TRAPPC8: variants seen among roughly 807,000 people sequenced by gnomAD.
TRAPPC8 encodes the protein trafficking protein particle complex subunit 8, also known as general sporulation gene 1 homolog.
In TRAPPC8, 54 loss-of-function variants were observed where a neutral mutation model predicts 174.3. The observed-to-expected ratio is 0.31, with a 90% CI of 0.25 to 0.39. TRAPPC8 has a LOEUF of 0.39. Ranked by LOEUF, TRAPPC8 falls within the 10% of genes least tolerant of loss-of-function variation. The pLI is 1.00. For missense variants in TRAPPC8, 1,531 were observed against 1,699.1 expected (o/e 0.90, Z 1.74); for synonymous variants, 630 against 579.9 (o/e 1.09, Z -1.24).
intron 1 of TRAPPC8, among the ~76,000 whole-genome samples, chr18:31,933,473 G>A (rs929998729): frequency 2.6e-5 from 4 of 152,026 alleles, no homozygotes; most frequent in Non-Finnish European, 4.4e-5. Context: ...TCTACTTCAC[G>A]GGATCATTTT....
chr18:31,876,452 T>C (rs527352613), intron 12 of TRAPPC8, among the ~76,000 whole-genome samples: 11 of 128,674 alleles, frequency 8.5e-5, no homozygotes, highest in African/African-American at 3.1e-4. Context: ...ATTGTGCCAC[T>C]GCACTCCAGC....
chr18:31,910,655 A>G (rs1365903172), intron 5 of TRAPPC8, among the ~76,000 whole-genome samples: 1 of 152,236 alleles, frequency 6.6e-6, no homozygotes, highest in Non-Finnish European at 1.5e-5. Context: ...ATAAGAATAC[A>G]GTGAGTACTG....
At chr18:31,870,622 T>G in intron 15 of TRAPPC8, 120 bp from the exon 16 acceptor site, 1 of 1,115,310 alleles carries the variant, frequency 9.0e-7, no homozygotes, top group South Asian at 1.6e-5. Context: ...CTGTCCTTTA[T>G]TACCTTATAA....
Position 31,852,409 on chromosome 18 carries a change from G to A in TRAPPC8, c.3561+37C>T, listed in dbSNP as rs1020506841. 6.2e-6 allele frequency: 10 copies of A among 1,608,812 alleles called. No homozygotes were observed. In the Admixed American group the frequency reaches 1.7e-4, roughly 27 times the overall value. ...AAATACCCAGATATGCTATAACTAT[G>A]ACTTAACATCAAACACTACTATGCT... is the stretch of plus-strand genomic sequence containing the variant. On this transcript the variant is annotated intron_variant, in intron 24 of 28. Coordinates refer to ENST00000283351, the MANE Select transcript of TRAPPC8 (RefSeq NM_014939.5).
chr18:31,903,967 G>C (rs556489977), intron 9 of TRAPPC8, among the ~76,000 whole-genome samples: 1 of 152,212 alleles, frequency 6.6e-6, no homozygotes, highest in African/African-American at 2.4e-5. Context: ...TAAGCACAGT[G>C]CCACATGCCT....
chr18:31,930,138 T>TTTA (rs2037787486), intron 2 of TRAPPC8, among the ~76,000 whole-genome samples: 1 of 150,418 alleles, frequency 6.6e-6, no homozygotes, highest in African/African-American at 2.5e-5. Context: ...TTTTTTTTTT[T>TTTA]AAACAGAGTC....
intron 26 of TRAPPC8, among the ~76,000 whole-genome samples, chr18:31,841,892 T>C (rs890000389): frequency 5.3e-5 from 8 of 152,194 alleles, no homozygotes; most frequent in African/African-American, 1.9e-4. Flanking sequence ...TTTAAAAAAA[T>C]AAACTATCTC....
At chr18:31,880,081 G>GAAA (rs749972515) in intron 12 of TRAPPC8, among the ~76,000 whole-genome samples, 1,012 of 52,084 alleles carry the variant, frequency 0.019, 12 homozygotes, top group East Asian at 0.038. Context: ...TGAAACTATT[G>GAAA]AAAAAAAAAA....
intron 1 of TRAPPC8, among the ~76,000 whole-genome samples, chr18:31,936,359 G>A (rs1192379924): frequency 6.6e-6 from 1 of 151,918 alleles, no homozygotes. Flanking sequence ...AGCTACCCAG[G>A]AGGCCAATGT....
intron 16 of TRAPPC8, 44 bp from the exon 17 acceptor site, chr18:31,867,520 T>C: frequency 7.8e-7 from 1 of 1,286,192 alleles, no homozygotes; most frequent in African/African-American, 1.5e-5. Context: ...ATGAACAAAG[T>C]ATCAGATTAT....
chr18:31,895,346 A>G (rs2036138345), intron 11 of TRAPPC8, among the ~76,000 whole-genome samples: 1 of 152,222 alleles, frequency 6.6e-6, no homozygotes, highest in Non-Finnish European at 1.5e-5. Context: ...AAGTTATCTC[A>G]AAGAAATTTA....
intron 1 of TRAPPC8, among the ~76,000 whole-genome samples, chr18:31,935,567 A>AAAAAAAAAAAAAAAAAAAAAC (rs2038059834): frequency 6.9e-6 from 1 of 145,008 alleles, no homozygotes; most frequent in African/African-American, 2.6e-5. Flanking sequence ...AAAAAAAAAA[A>AAAAAAAAAAAAAAAAAAAAAC]AGCAGGCTTT....
At chr18:31,880,271 A>C (rs945312444) in intron 12 of TRAPPC8, among the ~76,000 whole-genome samples, 3 of 151,382 alleles carry the variant, frequency 2.0e-5, no homozygotes, top group African/African-American at 7.3e-5. Context: ...TAGCAAACCA[A>C]ATCCAGCTGG....
Position 31,910,822 on chromosome 18 carries a change from A to ACAAT in TRAPPC8, c.772-1066_772-1063dup, listed in dbSNP as rs1160073331. Among the ~76,000 whole-genome samples the ACAAT allele has an allele frequency of 2.0e-5, 3 of 152,238 alleles. No individual in the cohort carries two copies. The East Asian group carries it at 5.8e-4, about 29-fold the overall frequency. On this transcript the variant is annotated intron_variant, in intron 5 of 28. Coordinates refer to ENST00000283351, the MANE Select transcript of TRAPPC8 (RefSeq NM_014939.5). ...TTTCTGCTAAAAGTTCTCATACTGC[A>ACAAT]CAATCTTCTTCATGTTCCCCTTCAC...
At chr18:31,874,351 C>A in intron 13 of TRAPPC8, 129 bp downstream of exon 13, 1 of 977,960 alleles carries the variant, frequency 1.0e-6, no homozygotes, top group Non-Finnish European at 1.5e-6. Flanking sequence ...GCCTAGCCTG[C>A]CACAGCTTTT....
intron 11 of TRAPPC8, among the ~76,000 whole-genome samples, chr18:31,893,891 AAGCT>A (rs1449674080): frequency 2.6e-5 from 4 of 152,212 alleles, no homozygotes; most frequent in African/African-American, 9.6e-5. Flanking sequence ...ACTGCCTATG[AAGCT>A]TCACTAAACT....
At chr18:31,887,646 CAAA>C (rs34562657) in intron 12 of TRAPPC8, among the ~76,000 whole-genome samples, 1 of 98,342 alleles carries the variant, frequency 1.0e-5, no homozygotes, top group African/African-American at 3.9e-5. Flanking sequence ...AACTCCATCT[CAAA>C]AAAAAAAAAA....
Position 31,942,991 on chromosome 18 carries a change from C to A in TRAPPC8, c.-227G>T. 1 of 921,698 alleles carries A rather than the reference C, an allele frequency of 1.1e-6. No individual in the cohort carries two copies. Among genetic ancestry groups the A allele is most frequent in the Non-Finnish European group, 1.4e-6 (1 of 702,674 alleles). 57.1% of individuals were successfully genotyped at this position (921,698 alleles called of 1,614,324 possible). A position where few individuals can be genotyped will look rare whatever the true frequency, so the allele number is the denominator to read the frequency against. ...CACCGCCGCTTCTCAGCGCTCGTCC[C>A]CGCGTGCTCGCATTCCACCCCGATA... On this transcript the variant is annotated 5_prime_UTR_variant, in exon 1 of 29. Transcript: ENST00000283351.
In TRAPPC8 at chr18:31,833,069, A is replaced by G. The variant is rs80279748; in HGVS notation, c.3984-896T>C. Among the ~76,000 whole-genome samples the G allele has an allele frequency of 6.0e-4, 91 of 152,310 alleles. No individual in the cohort carries two copies. The East Asian group carries it at 0.016, about 27-fold the overall frequency. ...ACTAAGATGATTTAAAATACATACC[A>G]GGTTGTACTGGTGCTATGCCCTAAC... On this transcript the variant is annotated intron_variant, in intron 27 of 28. Coordinates refer to ENST00000283351, the MANE Select transcript of TRAPPC8 (RefSeq NM_014939.5).
Sources: allele counts gnomAD v4.1 joint callset (sites outside exome capture counted in the v4.1 genomes callset), GRCh38; gene constraint gnomAD v4.1.1; transcripts MANE v1.5; gene names NCBI Gene and HGNC (gene_info 2026-07-23, HGNC 2026-07-21).